Variants in MACROD1 observed in about 807,000 individuals in gnomAD.
The protein encoded by MACROD1 is ADP-ribose glycohydrolase MACROD1.
MACROD1 carries 31 observed loss-of-function variants against 41.4 expected under a neutral mutation model. That is an observed-to-expected ratio of 0.75 (90% CI 0.56 to 1.01). The LOEUF is 1.01. MACROD1 is among the 50% of genes least tolerant of loss of function. The pLI, the probability that MACROD1 is intolerant of heterozygous loss-of-function variation, is 0.00. For synonymous variants in MACROD1, 252 were observed against 203.4 expected (o/e 1.24, Z -2.03); for missense variants, 473 against 460.0 (o/e 1.03, Z -0.26).
At chr11:64,071,806 T>A (rs1184313038) in intron 3 of MACROD1, among the ~76,000 whole-genome samples, 3 of 151,348 alleles carry the variant, frequency 2.0e-5, no homozygotes, top group Non-Finnish European at 2.9e-5. Flanking sequence ...GGCCAAGGGG[T>A]AGGGATGGAT....
chr11:64,107,774 G>A (rs180824057), intron 3 of MACROD1, among the ~76,000 whole-genome samples: 1 of 152,256 alleles, frequency 6.6e-6, no homozygotes, highest in East Asian at 1.9e-4. Context: ...GAGGGTCATG[G>A]CATCTAGTCC....
At chr11:64,028,759 G>C (rs1943256678) in intron 3 of MACROD1, among the ~76,000 whole-genome samples, 2 of 152,126 alleles carry the variant, frequency 1.3e-5, no homozygotes, top group Non-Finnish European at 2.9e-5. Context: ...AACCTGCCAG[G>C]CCTGGCTGCT....
intron 3 of MACROD1, among the ~76,000 whole-genome samples, chr11:64,136,947 G>A (rs1313598433): frequency 6.6e-6 from 1 of 152,242 alleles, no homozygotes; most frequent in East Asian, 1.9e-4. Flanking sequence ...GGGCTGGAGT[G>A]GGCATCTCAG....
At chr11:64,058,753 T>C (rs1943840779) in intron 3 of MACROD1, among the ~76,000 whole-genome samples, 1 of 152,228 alleles carries the variant, frequency 6.6e-6, no homozygotes, top group African/African-American at 2.4e-5. Flanking sequence ...CAGCGGCAGC[T>C]TCTAGGGTGG....
chr11:64,019,909 G>A (rs1164982266), intron 3 of MACROD1, among the ~76,000 whole-genome samples: 1 of 152,140 alleles, frequency 6.6e-6, no homozygotes, highest in African/African-American at 2.4e-5. Flanking sequence ...GCACGGGGAC[G>A]TGCATGATGA....
At chr11:64,117,936 A>T in intron 3 of MACROD1, 1 of 1,613,500 alleles carries the variant, frequency 6.2e-7, no homozygotes, top group Non-Finnish European at 8.5e-7. Flanking sequence ...GGCGGGCATC[A>T]TCGGCGGGGC....
At chr11:64,128,683 A>AC (rs1179635514) in intron 3 of MACROD1, among the ~76,000 whole-genome samples, 2 of 142,204 alleles carry the variant, frequency 1.4e-5, no homozygotes, top group Non-Finnish European at 1.5e-5. Flanking sequence ...CACGCCTGAC[A>AC]CCCCCCAGGC....
chr11:64,088,962 G>A (rs1944442261), intron 3 of MACROD1, among the ~76,000 whole-genome samples: 2 of 152,180 alleles, frequency 1.3e-5, no homozygotes, highest in African/African-American at 4.8e-5. Context: ...CATGGAGGCT[G>A]GGGAGGAGGC....
chr11:64,125,327 T>G (rs979938637), intron 3 of MACROD1, among the ~76,000 whole-genome samples: 3 of 152,236 alleles, frequency 2.0e-5, no homozygotes, highest in African/African-American at 7.2e-5. Context: ...AGGTCTTTGC[T>G]GCCACAGCCC....
At chr11:64,004,301 C>T (rs1249310182) in intron 4 of MACROD1, among the ~76,000 whole-genome samples, 1 of 152,218 alleles carries the variant, frequency 6.6e-6, no homozygotes, top group African/African-American at 2.4e-5. Flanking sequence ...TCCTCAGAGC[C>T]AGCAGAGGCG....
At chr11:64,031,417 G>A (rs1943292010) in intron 3 of MACROD1, among the ~76,000 whole-genome samples, 1 of 151,794 alleles carries the variant, frequency 6.6e-6, no homozygotes, top group South Asian at 2.1e-4. Flanking sequence ...GGAGCACAGT[G>A]GAGTTAGAAC....
At position 64,141,797 on chromosome 11, in the gene MACROD1, C is replaced by T. The variant is rs565796495; in HGVS notation, c.517+9442G>A. Reference sequence around the variant, plus strand: ...GGCACAGGGTAGGAGGCAGGGTGGCCACCCCATGTGGGGGCAGCAGACTCC... The same window carrying T: ...GGCACAGGGTAGGAGGCAGGGTGGCTACCCCATGTGGGGGCAGCAGACTCC... On this transcript the variant is annotated intron_variant, in intron 3 of 10. Coordinates refer to ENST00000255681, the MANE Select transcript of MACROD1 (RefSeq NM_014067.4). Among the ~76,000 whole-genome samples, 6 of 152,284 alleles carry T rather than the reference C, an allele frequency of 3.9e-5. No individual in the cohort carries two copies. The South Asian group carries it at 1.2e-3, about 32-fold the overall frequency.
intron 3 of MACROD1, among the ~76,000 whole-genome samples, chr11:64,033,912 C>T (rs1156814237): frequency 1.3e-5 from 2 of 152,022 alleles, no homozygotes; most frequent in Admixed American, 6.6e-5. Context: ...AGCAATCATC[C>T]CACCACAGCC....
In MACROD1 at chr11:64,096,895, G is replaced by A. The variant is rs901316578; in HGVS notation, c.517+54344C>T. ...CCGGCAGAGCTGAGAGCCGATGCCT[G>A]TCCCTCCGTGAGCTGGGTGCGAGTG... On this transcript the variant is annotated intron_variant, in intron 3 of 10. Coordinates refer to ENST00000255681, the MANE Select transcript of MACROD1 (RefSeq NM_014067.4). This position sits in a 1 kb window ranked among gnomAD's most constrained non-coding sequence, Gnocchi z 4.6. 1.3e-5 allele frequency among the ~76,000 whole-genome samples: 2 copies of A among 152,230 alleles called. No homozygotes were observed. The highest frequency in any genetic ancestry group is 4.8e-5 in the African/African-American group (2 of 41,472).
chr11:64,089,312 T>C (rs554022316), intron 3 of MACROD1, among the ~76,000 whole-genome samples: 183 of 152,276 alleles, frequency 1.2e-3, no homozygotes, highest in African/African-American at 4.0e-3. Flanking sequence ...GGCAGCCAAG[T>C]GTCCCAGTGT....
chr11:64,072,540 A>G (rs762675380), intron 3 of MACROD1, among the ~76,000 whole-genome samples: 5 of 152,194 alleles, frequency 3.3e-5, no homozygotes, highest in Non-Finnish European at 7.3e-5. Context: ...CACAGAAACT[A>G]ATAACATAGC....
At chr11:64,150,508 A>G (rs541173333) in intron 3 of MACROD1, among the ~76,000 whole-genome samples, 2 of 152,192 alleles carry the variant, frequency 1.3e-5, no homozygotes, top group African/African-American at 4.8e-5. Context: ...CCAGGTAAGC[A>G]AAGGAGCAAG....
rs557922341 is a variant in MACROD1, at chr11:64,024,816, G to T, written c.518-9535C>A. Among the ~76,000 whole-genome samples, 94 of 152,224 alleles carry T rather than the reference G, an allele frequency of 6.2e-4. 1 individual carries two copies. In the South Asian group the frequency reaches 0.019, roughly 31 times the overall value. ...AAGGCAGCCTTGACCCCTAGGAAAG[G>T]TCAAGGCCCAGCCCCAGCTGGGCAG... is the stretch of plus-strand genomic sequence containing the variant. On this transcript the variant is annotated intron_variant, in intron 3 of 10. Transcript: ENST00000255681.
chr11:64,147,903 G>A (rs551983942), intron 3 of MACROD1, among the ~76,000 whole-genome samples: 26 of 151,656 alleles, frequency 1.7e-4, no homozygotes, highest in African/African-American at 5.3e-4. Context: ...CCACCATGCC[G>A]TATTATTTTT....
Sources: gnomAD v4.1 joint callset for allele counts (sites outside exome capture counted in the v4.1 genomes callset) on GRCh38, gnomAD v4.1.1 for gene constraint, Gnocchi (gnomAD v3.1) non-coding constraint, MANE v1.5 for transcripts, NCBI Gene and HGNC (gene_info 2026-07-23, HGNC 2026-07-21) for gene names.